DNAJB6: variants seen among roughly 807,000 people sequenced by gnomAD.
DNAJB6 encodes the protein dnaJ homolog subfamily B member 6.
DNAJB6 carries 16 observed loss-of-function variants against 42.7 expected under a neutral mutation model. That is an observed-to-expected ratio of 0.37 (90% CI 0.25 to 0.57). The LOEUF is 0.57. Among genes scored for constraint, DNAJB6 ranks in the 20% least tolerant of loss-of-function variants. The pLI is 0.74. For missense variants in DNAJB6, 347 were observed against 416.8 expected (o/e 0.83, Z 1.46); for synonymous variants, 170 against 163.5 (o/e 1.04, Z -0.30).
At chr7:157,347,277 G>T (rs990137361) in intron 1 of DNAJB6, among the ~76,000 whole-genome samples, 13 of 152,254 alleles carry the variant, frequency 8.5e-5, no homozygotes, top group African/African-American at 3.1e-4. Flanking sequence ...AAGTACTGGT[G>T]AGAGAATGTC....
chr7:157,340,481 G>A (rs1798303861), intron 1 of DNAJB6, among the ~76,000 whole-genome samples: 1 of 148,508 alleles, frequency 6.7e-6, no homozygotes, highest in Non-Finnish European at 1.5e-5. Context: ...GATGATGTAG[G>A]AATGGAAAAA....
chr7:157,405,059 C>T lies in DNAJB6; in HGVS notation c.692-4736C>T, dbSNP rs138610105. On this transcript the variant is annotated intron_variant, in intron 8 of 9. Transcript: ENST00000262177. ...CTCAGAACTGCAGGCATGTTGAGCG[C>T]CAGAAGCAGGGTCCTTGGGTCACTG... is the stretch of plus-strand genomic sequence containing the variant. Among the ~76,000 whole-genome samples the T allele has an allele frequency of 6.0e-3, 919 of 152,302 alleles. 4 individuals carry two copies. Among genetic ancestry groups the T allele is most frequent in the Non-Finnish European group, 0.011 (728 of 68,026 alleles).
In DNAJB6 at chr7:157,355,222, C is replaced by T. The variant is rs140170027; in HGVS notation, c.-26-3325C>T. 5.3e-3 allele frequency among the ~76,000 whole-genome samples: 804 copies of T among 152,306 alleles called. 6 individuals are homozygous for T. Among genetic ancestry groups the T allele is most frequent in the African/African-American group, 0.018 (769 of 41,574 alleles). ...AGGTTGGAGTGCAGTGGCGCGGGCG[C>T]GATCTCGGCTCACTGCAGGCTCCGC... is the stretch of plus-strand genomic sequence containing the variant. On this transcript the variant is annotated intron_variant, in intron 1 of 9. Transcript: ENST00000262177.
chr7:157,343,637 C>T (rs1009325431), intron 1 of DNAJB6, among the ~76,000 whole-genome samples: 10 of 151,986 alleles, frequency 6.6e-5, no homozygotes, highest in Admixed American at 1.3e-4. Context: ...TTAGTAGAGA[C>T]GGGGTTTCAC....
chr7:157,355,678 T>TA (rs1427961252), intron 1 of DNAJB6, among the ~76,000 whole-genome samples: 1 of 152,050 alleles, frequency 6.6e-6, no homozygotes, highest in Non-Finnish European at 1.5e-5. Flanking sequence ...CGGCTAAGGG[T>TA]AAGCAGTGCA....
chr7:157,395,384 A>G (rs1286442120), intron 8 of DNAJB6, among the ~76,000 whole-genome samples: 1 of 152,240 alleles, frequency 6.6e-6, no homozygotes, highest in Admixed American at 6.5e-5. Flanking sequence ...TTTAAAGAGA[A>G]TTGCATGGGC....
At chr7:157,348,775 T>C (rs144670444) in intron 1 of DNAJB6, among the ~76,000 whole-genome samples, 15 of 152,296 alleles carry the variant, frequency 9.8e-5, no homozygotes, top group Admixed American at 3.9e-4. Context: ...TTTCTTGTCC[T>C]GACTCCCTCC....
intron 8 of DNAJB6, among the ~76,000 whole-genome samples, chr7:157,388,219 C>A (rs1801170346): frequency 1.3e-5 from 2 of 152,288 alleles, no homozygotes; most frequent in African/African-American, 4.8e-5. Context: ...GAATAGAAAG[C>A]CTATTTGTTG....
chr7:157,358,391 C>T (rs1334406093), intron 1 of DNAJB6, among the ~76,000 whole-genome samples, 156 bp from the exon 2 acceptor site: 2 of 152,100 alleles, frequency 1.3e-5, no homozygotes, highest in African/African-American at 4.8e-5. Context: ...AGGTCTTGGC[C>T]CAGCAGGCTA....
At chr7:157,341,060 G>T (rs1798353309) in intron 1 of DNAJB6, among the ~76,000 whole-genome samples, 2 of 151,862 alleles carry the variant, frequency 1.3e-5, no homozygotes, top group South Asian at 2.1e-4. Context: ...GGCCTCAAGT[G>T]AGTCTTTCAT....
At chr7:157,361,228 G>T (rs963512800) in intron 2 of DNAJB6, among the ~76,000 whole-genome samples, 6 of 150,774 alleles carry the variant, frequency 4.0e-5, no homozygotes, top group Non-Finnish European at 7.4e-5. Context: ...GCGTGATCTC[G>T]GCTCACTGCA....
rs373688501 is a variant in DNAJB6 at position 157,358,506 on chromosome 7, C to A, written c.-26-41C>A. 3.5e-4 allele frequency: 477 copies of A among 1,360,904 alleles called. 1 individual carries two copies. The Middle Eastern group carries it at 3.6e-3, about 10-fold the overall frequency. 84.3% of individuals were successfully genotyped at this position (1,360,904 alleles called of 1,614,324 possible). On this transcript the variant is annotated intron_variant, in intron 1 of 9. Coordinates refer to ENST00000262177, the MANE Select transcript of DNAJB6 (RefSeq NM_058246.4). ...CATCCCACCACCGTGATTTGCCCAT[C>A]CCCAGCAGCCTCATCACTGACCACC...
chr7:157,344,728 T>C (rs1798597634), intron 1 of DNAJB6, among the ~76,000 whole-genome samples: 1 of 152,142 alleles, frequency 6.6e-6, no homozygotes, highest in South Asian at 2.1e-4. Flanking sequence ...TTTTCCTGCC[T>C]CAGCCACTTC....
rs183202100 is a variant in DNAJB6, at chr7:157,347,793, T to A, written c.-27+10649T>A. Among the ~76,000 whole-genome samples, 275 of 152,304 alleles carry A rather than the reference T, an allele frequency of 1.8e-3. 1 individual carries two copies. The highest frequency in any genetic ancestry group is 0.017 in the Middle Eastern group (5 of 294). On this transcript the variant is annotated intron_variant, in intron 1 of 9. Transcript: ENST00000262177. ...GTTGTCATTCAGGTTATAAGAAGTT[T>A]GTTTATTTATTTGTTTTTTTGAGTT...
intron 5 of DNAJB6, 136 bp from the exon 6 acceptor site, chr7:157,382,110 G>T: frequency 1.2e-5 from 10 of 864,090 alleles, no homozygotes; most frequent in Middle Eastern, 3.4e-4. Flanking sequence ...CTGTAGATAA[G>T]CTCTTTTGTT....
chr7:157,369,156 C>T (rs149230745), intron 5 of DNAJB6: 12 of 395,058 alleles, frequency 3.0e-5, no homozygotes, highest in African/African-American at 1.2e-4. Context: ...GCGTGCTCAT[C>T]GTTTAAGTGC....
At chr7:157,346,506 C>T (rs559900636) in intron 1 of DNAJB6, among the ~76,000 whole-genome samples, 126 of 152,032 alleles carry the variant, frequency 8.3e-4, no homozygotes, top group Non-Finnish European at 1.6e-3. Flanking sequence ...TCATCTAATA[C>T]ACAGTTGGAT....
intron 5 of DNAJB6, among the ~76,000 whole-genome samples, chr7:157,376,704 A>AAC (rs1441524635): frequency 6.6e-6 from 1 of 152,020 alleles, no homozygotes; most frequent in African/African-American, 2.4e-5. Flanking sequence ...AACATGGTGA[A>AAC]ACACTACCTC....
At chr7:157,381,136 A>G (rs1800744639) in intron 5 of DNAJB6, 1 of 151,882 alleles carries the variant, frequency 6.6e-6, no homozygotes, top group African/African-American at 2.4e-5. Flanking sequence ...CAGTTGCTTC[A>G]TGAATCTCGA....
Sources: allele counts gnomAD v4.1 joint callset (sites outside exome capture counted in the v4.1 genomes callset), GRCh38; gene constraint gnomAD v4.1.1; transcripts MANE v1.5; gene names NCBI Gene and HGNC (gene_info 2026-07-23, HGNC 2026-07-21).